PRKN: variants seen among roughly 807,000 people sequenced by gnomAD.
The protein encoded by PRKN is parkin RBR E3 ubiquitin protein ligase, also known as E3 ubiquitin-protein ligase parkin.
Under a neutral mutation model 59.5 loss-of-function variants are expected in PRKN, and 56 were observed. The ratio of observed to expected loss-of-function variants is 0.94; its 90% CI spans 0.76 to 1.18. The LOEUF is 1.18. Ranked by LOEUF, PRKN falls within the 50% of genes most tolerant of loss-of-function variation. The pLI is 0.00. For synonymous variants in PRKN, 250 were observed against 222.1 expected, an observed-to-expected ratio of 1.13 and a Z score of -1.12; for missense variants, 657 against 596.4, an observed-to-expected ratio of 1.10 and a Z score of -1.06.
At chr6:161,450,984 GA>G (rs1406596175) in intron 9 of PRKN, among the ~76,000 whole-genome samples, 2 of 152,134 alleles carry the variant, frequency 1.3e-5, no homozygotes, top group Non-Finnish European at 2.9e-5. Context: ...TGAATGATAT[GA>G]AAGTCAAACA....
At chr6:162,707,793 T>C (rs1350048696) in intron 1 of PRKN, among the ~76,000 whole-genome samples, 1 of 152,164 alleles carries the variant, frequency 6.6e-6, no homozygotes, top group African/African-American at 2.4e-5. Flanking sequence ...CAAGCTGGTC[T>C]CGATCAAACT....
At chr6:162,257,009 G>T (rs995107531) in intron 3 of PRKN, among the ~76,000 whole-genome samples, 1 of 152,166 alleles carries the variant, frequency 6.6e-6, no homozygotes, top group Admixed American at 6.5e-5. Flanking sequence ...TTCCCACAGA[G>T]GCATGAACCC....
At chr6:162,139,487 G>C (rs559447848) in intron 4 of PRKN, among the ~76,000 whole-genome samples, 1 of 152,134 alleles carries the variant, frequency 6.6e-6, no homozygotes. Context: ...TTATGAGGAC[G>C]TCGGGTGTGG....
chr6:162,360,484 T>C (rs1241229835), intron 2 of PRKN, among the ~76,000 whole-genome samples: 1 of 152,182 alleles, frequency 6.6e-6, no homozygotes, highest in Admixed American at 6.6e-5. Flanking sequence ...TAGTTGTTTT[T>C]AGATATTTCC....
chr6:162,377,706 G>A (rs551641533), intron 2 of PRKN, among the ~76,000 whole-genome samples: 7 of 152,286 alleles, frequency 4.6e-5, no homozygotes, highest in Admixed American at 6.5e-5. Context: ...AGGCATGTAA[G>A]TCATATGAGA....
chr6:162,630,457 T>G (rs1783064493), intron 1 of PRKN, among the ~76,000 whole-genome samples: 1 of 152,258 alleles, frequency 6.6e-6, no homozygotes, highest in African/African-American at 2.4e-5. Flanking sequence ...CCATCGACAT[T>G]AACATCAATC....
intron 2 of PRKN, among the ~76,000 whole-genome samples, chr6:162,371,463 C>G (rs535908532): frequency 6.6e-6 from 1 of 152,278 alleles, no homozygotes; most frequent in African/African-American, 2.4e-5. Context: ...ATCAGACTTT[C>G]AAACCCGGCT....
At chr6:161,618,752 T>C (rs1332794377) in intron 7 of PRKN, among the ~76,000 whole-genome samples, 1 of 152,228 alleles carries the variant, frequency 6.6e-6, no homozygotes, top group African/African-American at 2.4e-5. Flanking sequence ...ACATTACTTT[T>C]ATTATGCAAA....
Position 161,348,365 on chromosome 6 carries a change from A to G in PRKN, c.*1734T>C, listed in dbSNP as rs901933135. 2.8e-5 allele frequency: 6 copies of G among 216,796 alleles called. No individual in the cohort carries two copies. The highest frequency in any genetic ancestry group is 9.0e-5 in the African/African-American group (4 of 44,224). The allele number at this position is 216,796 out of a possible 1,614,324, so 13.4% of individuals were successfully genotyped here. On this transcript the variant is annotated 3_prime_UTR_variant, in exon 12 of 12. Coordinates refer to ENST00000366898, the MANE Select transcript of PRKN (RefSeq NM_004562.3). This position sits in a 1 kb window ranked among gnomAD's most constrained non-coding sequence, Gnocchi z 4.9. ...AGACTTTGATCTGTCCACCATTTCT[A>G]TGTGAGCTTTGGGCTTCCTGTCACA... is the stretch of plus-strand genomic sequence containing the variant.
chr6:162,490,076 C>A (rs994992505), intron 1 of PRKN, among the ~76,000 whole-genome samples: 2 of 152,158 alleles, frequency 1.3e-5, no homozygotes, highest in Non-Finnish European at 2.9e-5. Flanking sequence ...ACAGCATACT[C>A]TCTCATGGCT....
chr6:161,732,802 G>C (rs1420835529), intron 7 of PRKN, among the ~76,000 whole-genome samples: 2 of 152,026 alleles, frequency 1.3e-5, no homozygotes, highest in African/African-American at 4.8e-5. Context: ...TAGCATCCAG[G>C]GTTCTTTGCA....
At chr6:161,636,710 T>G (rs1256742484) in intron 7 of PRKN, among the ~76,000 whole-genome samples, 1 of 152,024 alleles carries the variant, frequency 6.6e-6, no homozygotes, top group Non-Finnish European at 1.5e-5. Flanking sequence ...CAGGGAAACA[T>G]AGCCAGACCC....
intron 2 of PRKN, among the ~76,000 whole-genome samples, chr6:162,425,928 G>A (rs1431543895): frequency 6.6e-6 from 1 of 152,190 alleles, no homozygotes. Flanking sequence ...GGATGTGATA[G>A]CGACTAACCA....
chr6:162,286,972 T>G (rs1441583555), intron 2 of PRKN, among the ~76,000 whole-genome samples: 1 of 152,222 alleles, frequency 6.6e-6, no homozygotes, highest in Non-Finnish European at 1.5e-5. Flanking sequence ...TACAGATATC[T>G]ACTTTAATTA....
At chr6:161,865,640 A>G (rs749809131) in intron 6 of PRKN, among the ~76,000 whole-genome samples, 53 of 152,198 alleles carry the variant, frequency 3.5e-4, no homozygotes, top group Non-Finnish European at 6.8e-4. Context: ...AACCTCTGCT[A>G]ACTTCAAACT....
intron 5 of PRKN, among the ~76,000 whole-genome samples, chr6:162,014,294 C>A (rs1782848489): frequency 6.6e-6 from 1 of 152,158 alleles, no homozygotes; most frequent in South Asian, 2.1e-4. Flanking sequence ...ACAGCCAGAG[C>A]CCTGCACAGT....
At chr6:161,954,098 G>T (rs1341229761) in intron 6 of PRKN, among the ~76,000 whole-genome samples, 1 of 152,152 alleles carries the variant, frequency 6.6e-6, no homozygotes, top group African/African-American at 2.4e-5. Context: ...CTAAGTTTGG[G>T]CAGGAAGAGA....
At chr6:162,268,804 G>A (rs1780245161) in intron 2 of PRKN, among the ~76,000 whole-genome samples, 1 of 152,158 alleles carries the variant, frequency 6.6e-6, no homozygotes. Flanking sequence ...GACAAACTAG[G>A]ACAAGTCTAC....
chr6:162,517,034 C>A (rs1777890561), intron 1 of PRKN, among the ~76,000 whole-genome samples: 1 of 151,986 alleles, frequency 6.6e-6, no homozygotes, highest in African/African-American at 2.4e-5. Context: ...GGAGGTAATT[C>A]CTCCTTAATG....
Sources: gnomAD v4.1 joint callset for allele counts (sites outside exome capture counted in the v4.1 genomes callset) on GRCh38, gnomAD v4.1.1 for gene constraint, Gnocchi (gnomAD v3.1) non-coding constraint, MANE v1.5 for transcripts, NCBI Gene and HGNC (gene_info 2026-07-23, HGNC 2026-07-21) for gene names.